RO60: variants seen among roughly 807,000 people sequenced by gnomAD.
RO60 encodes Ro60, Y RNA binding protein, also known as RNA-binding protein RO60.
RO60 carries 20 observed loss-of-function variants against 55.3 expected under a neutral mutation model. That is an observed-to-expected ratio of 0.36 (90% CI 0.25 to 0.53). The LOEUF (loss-of-function observed/expected upper bound fraction) is 0.53, where lower values mean the gene tolerates loss of function less well. Ranked by LOEUF, RO60 falls within the 20% of genes least tolerant of loss-of-function variation. The pLI, the probability that RO60 is intolerant of heterozygous loss-of-function variation, is 0.92. For missense variants in RO60, 558 were observed against 646.6 expected (o/e 0.86, Z 1.49); for synonymous variants, 213 against 213.6 (o/e 1.00, Z 0.02).
chr1:193,072,747 C>T (rs1673608745), intron 2 of RO60, among the ~76,000 whole-genome samples: 1 of 152,164 alleles, frequency 6.6e-6, no homozygotes, highest in Admixed American at 6.5e-5. Context: ...AAAGACCGCC[C>T]ATTACTAGTT....
intron 3 of RO60, 92 bp from the exon 4 acceptor site, chr1:193,076,409 A>C: frequency 7.4e-7 from 1 of 1,353,820 alleles, no homozygotes; most frequent in South Asian, 1.4e-5. Flanking sequence ...AAAGCCTCAG[A>C]GACTGTATTA....
chr1:193,071,165 C>T (rs1191878622), intron 2 of RO60, among the ~76,000 whole-genome samples: 2 of 152,170 alleles, frequency 1.3e-5, no homozygotes, highest in Non-Finnish European at 2.9e-5. Context: ...TCTTATGAGA[C>T]TAATGCCCAG....
Position 193,088,085 on chromosome 1 carries a change from G to T in RO60, c.*3354G>T, listed in dbSNP as rs979110611. The T allele has an allele frequency of 1.3e-5, 2 of 149,722 alleles. No individual in the cohort carries two copies. The highest frequency in any genetic ancestry group is 1.3e-4 in the Admixed American group (2 of 15,024). The allele number at this position is 149,722 out of a possible 1,614,324, so 9.3% of individuals were successfully genotyped here. A position where few individuals can be genotyped will look rare whatever the true frequency, so the allele number is the denominator to read the frequency against. ...TGGAGTGGCATGATCACAGCTCACT[G>T]CAGCCTTGACCTCCCAAGTTCAAGT... On this transcript the variant is annotated 3_prime_UTR_variant, in exon 9 of 9. Coordinates refer to ENST00000400968, the MANE Select transcript of RO60 (RefSeq NM_001173524.2).
intron 2 of RO60, among the ~76,000 whole-genome samples, chr1:193,073,617 AG>A (rs993568958): frequency 1.3e-5 from 2 of 152,156 alleles, no homozygotes; most frequent in African/African-American, 4.8e-5. Flanking sequence ...TCTGTTGGCC[AG>A]GCTGGAGCAC....
At chr1:193,083,617 T>C (rs1032689997) in intron 8 of RO60, among the ~76,000 whole-genome samples, 2 of 152,218 alleles carry the variant, frequency 1.3e-5, no homozygotes, top group African/African-American at 4.8e-5. Flanking sequence ...GTATTAGAAA[T>C]GCAAATTCCT....
At chr1:193,065,037 T>C (rs1201732562) in intron 1 of RO60, among the ~76,000 whole-genome samples, 5 of 152,230 alleles carry the variant, frequency 3.3e-5, no homozygotes, top group Non-Finnish European at 5.9e-5. Context: ...ATAGTACATT[T>C]ATCATTCTGA....
intron 1 of RO60, among the ~76,000 whole-genome samples, chr1:193,060,755 T>C (rs1672564297): frequency 6.6e-6 from 1 of 152,224 alleles, no homozygotes; most frequent in Non-Finnish European, 1.5e-5. Flanking sequence ...TGTAACTTTC[T>C]TGAAGTTTAT....
chr1:193,077,158 A>G lies in RO60; in HGVS notation c.1086+108A>G, dbSNP rs935831408. 138 of 1,154,886 alleles carry G rather than the reference A, an allele frequency of 1.2e-4. 13 individuals carry two copies. The highest frequency in any genetic ancestry group is 4.8e-6 in the Non-Finnish European group (4 of 842,008). 71.5% of individuals were successfully genotyped at this position (1,154,886 alleles called of 1,614,324 possible). A position where few individuals can be genotyped will look rare whatever the true frequency, so the allele number is the denominator to read the frequency against. ...TAGTTTAATCATTTTTTAATTAGGTATTCATTTGTTTTTCTTTAGTTCATA... is the reference window on the plus strand; with the variant it reads ...TAGTTTAATCATTTTTTAATTAGGTGTTCATTTGTTTTTCTTTAGTTCATA... On this transcript the variant is annotated intron_variant, in intron 5 of 8. Transcript: ENST00000400968.
chr1:193,085,168 A>G lies in RO60; in HGVS notation c.*437A>G. The G allele has an allele frequency of 8.0e-7, 1 of 1,249,198 alleles. No homozygotes were observed. Among genetic ancestry groups the G allele is most frequent in the Non-Finnish European group, 1.0e-6 (1 of 993,236 alleles). The allele number at this position is 1,249,198 out of a possible 1,614,324, so 77.4% of individuals were successfully genotyped here. A position where few individuals can be genotyped will look rare whatever the true frequency, so the allele number is the denominator to read the frequency against. ...ACTCTGAAATGCACTAGACCATATA[A>G]CTGTGATGAAATATGAAACTCATCT... On this transcript the variant is annotated 3_prime_UTR_variant, in exon 9 of 9. Transcript: ENST00000400968.
chr1:193,079,771 A>G (rs1003590029), intron 5 of RO60, among the ~76,000 whole-genome samples: 5 of 152,104 alleles, frequency 3.3e-5, no homozygotes, highest in Non-Finnish European at 5.9e-5. Context: ...TACAAACCCA[A>G]TTTAAAAATG....
At position 193,084,870 on chromosome 1, in the gene RO60, A is replaced by C; in HGVS notation, c.*139A>C. On this transcript the variant is annotated 3_prime_UTR_variant, in exon 9 of 9. Transcript: ENST00000400968. ...ATAATGGAAAGTTACCTTACTGAAAAAAAAAAAAGAAGGAAAAATAAGATG... is the reference window on the plus strand; with the variant it reads ...ATAATGGAAAGTTACCTTACTGAAACAAAAAAAAGAAGGAAAAATAAGATG... The C allele has an allele frequency of 6.8e-7, 1 of 1,476,112 alleles. No individual in the cohort carries two copies. The highest frequency in any genetic ancestry group is 1.4e-5 in the African/African-American group (1 of 70,316). 91.4% of individuals were successfully genotyped at this position (1,476,112 alleles called of 1,614,324 possible). A position where few individuals can be genotyped will look rare whatever the true frequency, so the allele number is the denominator to read the frequency against.
At chr1:193,062,553 T>C (rs540933917) in intron 1 of RO60, among the ~76,000 whole-genome samples, 124 of 152,350 alleles carry the variant, frequency 8.1e-4, no homozygotes, top group Non-Finnish European at 1.5e-3. Context: ...TGAAGTTCAC[T>C]ATTTTGAAGT....
At chr1:193,068,570 T>A (rs1324834032) in intron 1 of RO60, among the ~76,000 whole-genome samples, 1 of 152,220 alleles carries the variant, frequency 6.6e-6, no homozygotes, top group Non-Finnish European at 1.5e-5. Flanking sequence ...CCAGCTACTA[T>A]TGCTGCCCTC....
chr1:193,082,353 A>G (rs1209762956), intron 7 of RO60, 54 bp downstream of exon 7: 2 of 1,410,388 alleles, frequency 1.4e-6, no homozygotes, highest in African/African-American at 2.9e-5. Context: ...AACGTGTAGA[A>G]TGATTTTATA....
rs1482872368 is a variant in RO60 at position 193,085,686 on chromosome 1, T to C, written c.*955T>C. 8.2e-6 allele frequency: 8 copies of C among 977,428 alleles called. No homozygotes were observed. Among genetic ancestry groups the C allele is most frequent in the Non-Finnish European group, 9.7e-6 (8 of 822,680 alleles). 60.5% of individuals were successfully genotyped at this position (977,428 alleles called of 1,614,324 possible). A position where few individuals can be genotyped will look rare whatever the true frequency, so the allele number is the denominator to read the frequency against. On this transcript the variant is annotated 3_prime_UTR_variant, in exon 9 of 9. Coordinates refer to ENST00000400968, the MANE Select transcript of RO60 (RefSeq NM_001173524.2). ...ACTTTTAAAATAAAATTTTTTACTTTTAACTATTTTTTTAGTTAATATTTT... is the reference window on the plus strand; with the variant it reads ...ACTTTTAAAATAAAATTTTTTACTTCTAACTATTTTTTTAGTTAATATTTT...
intron 8 of RO60, among the ~76,000 whole-genome samples, chr1:193,083,354 A>G (rs1280531504): frequency 6.6e-6 from 1 of 152,212 alleles, no homozygotes; most frequent in East Asian, 1.9e-4. Context: ...AAAGGATTAC[A>G]TAAAATTAAA....
In RO60 at chr1:193,079,174, G is replaced by A. The variant is rs146676656; in HGVS notation, c.1086+2124G>A. ...GCAATATCAGCTCACTGCAACCTCC[G>A]CCTCCTGGGTTCAAGTGATTCTTAT... On this transcript the variant is annotated intron_variant, in intron 5 of 8. Transcript: ENST00000400968. Among the ~76,000 whole-genome samples, 362 of 132,238 alleles carry A rather than the reference G, an allele frequency of 2.7e-3. 1 individual carries two copies. Among genetic ancestry groups the A allele is most frequent in the African/African-American group, 9.1e-3 (327 of 35,892 alleles). The allele number at this position is 132,238 out of a possible 152,430, so 86.8% of individuals were successfully genotyped here. A position where few individuals can be genotyped will look rare whatever the true frequency, so the allele number is the denominator to read the frequency against.
At chr1:193,064,087 C>T (rs982175224) in intron 1 of RO60, among the ~76,000 whole-genome samples, 13 of 152,000 alleles carry the variant, frequency 8.6e-5, no homozygotes, top group African/African-American at 3.1e-4. Context: ...ACTTCCATGC[C>T]CATCCTTGTG....
At chr1:193,072,743 C>T (rs766650753) in intron 2 of RO60, among the ~76,000 whole-genome samples, 3 of 152,092 alleles carry the variant, frequency 2.0e-5, no homozygotes, top group East Asian at 1.9e-4. Flanking sequence ...AGAGAAAGAC[C>T]GCCCATTACT....
Sources: allele counts gnomAD v4.1 joint callset (sites outside exome capture counted in the v4.1 genomes callset), GRCh38; gene constraint gnomAD v4.1.1; transcripts MANE v1.5; gene names NCBI Gene and HGNC (gene_info 2026-07-23, HGNC 2026-07-21).